Variants in RBFOX1 observed in about 807,000 individuals in gnomAD.
RBFOX1 encodes RNA binding protein fox-1 homolog 1.
RBFOX1 carries 8 observed loss-of-function variants against 57.7 expected under a neutral mutation model. That is an observed-to-expected ratio of 0.14 (90% confidence interval 0.08 to 0.25). The LOEUF (loss-of-function observed/expected upper bound fraction) is 0.25. Ranked by LOEUF, RBFOX1 falls within the 10% of genes least tolerant of loss-of-function variation. The pLI is 1.00. For missense variants in RBFOX1, 611 were observed against 548.5 expected (o/e 1.11, Z -1.14); for synonymous variants, 326 against 222.4 (o/e 1.47, Z -4.15).
intron 2 of RBFOX1, among the ~76,000 whole-genome samples, chr16:5,581,067 T>G (rs1192206559): frequency 6.6e-6 from 1 of 152,178 alleles, no homozygotes; most frequent in Admixed American, 6.5e-5. Flanking sequence ...TTGTCTGTCT[T>G]CTTAGGTAAA....
chr16:7,708,525 C>G (rs1294578581), intron 14 of RBFOX1, among the ~76,000 whole-genome samples: 1 of 152,216 alleles, frequency 6.6e-6, no homozygotes, highest in African/African-American at 2.4e-5. Context: ...GGGGGTCCCA[C>G]AGACCCTTTA....
chr16:7,489,844 C>G (rs1202316283), intron 4 of RBFOX1, among the ~76,000 whole-genome samples: 1 of 151,922 alleles, frequency 6.6e-6, no homozygotes, highest in Non-Finnish European at 1.5e-5. Context: ...TATCTTTAAT[C>G]CACACTTTCG....
chr16:7,425,007 C>T (rs1231324043), intron 4 of RBFOX1, among the ~76,000 whole-genome samples: 1 of 151,930 alleles, frequency 6.6e-6, no homozygotes, highest in Non-Finnish European at 1.5e-5. Flanking sequence ...TACAAGTTGG[C>T]ATTATTATTA....
intron 1 of RBFOX1, among the ~76,000 whole-genome samples, chr16:5,267,061 C>G (rs577249476): frequency 1.3e-5 from 2 of 151,670 alleles, no homozygotes; most frequent in East Asian, 3.9e-4. Flanking sequence ...TGCAAGGTGT[C>G]ATAGCCAAGG....
chr16:5,864,342 A>G (rs544659745), intron 3 of RBFOX1, among the ~76,000 whole-genome samples: 19 of 152,358 alleles, frequency 1.2e-4, no homozygotes, highest in Admixed American at 5.2e-4. Flanking sequence ...ACAAGTGGAT[A>G]CATTATCAAT....
chr16:7,358,585 A>G (rs781397986), intron 4 of RBFOX1, among the ~76,000 whole-genome samples: 5 of 151,884 alleles, frequency 3.3e-5, no homozygotes, highest in African/African-American at 1.2e-4. Context: ...CATGCTAGCT[A>G]ATTTTTGTAT....
Position 5,712,589 on chromosome 16 carries a change from C to A in RBFOX1, c.318+113628C>A, listed in dbSNP as rs2215247. Among the ~76,000 whole-genome samples, 71 of 152,102 alleles carry A rather than the reference C, an allele frequency of 4.7e-4. 1 individual carries two copies. The highest frequency in any genetic ancestry group is 1.4e-3 in the African/African-American group (57 of 41,450). On this transcript the variant is annotated intron_variant, in intron 3 of 19. Coordinates refer to the RBFOX1 transcript ENST00000641259. ...CATCATCTATGAGCTCACTTAATTCCCATAACAGGTAGGTGACTTATGTGT... is the reference window on the plus strand; with the variant it reads ...CATCATCTATGAGCTCACTTAATTCACATAACAGGTAGGTGACTTATGTGT...
At chr16:6,258,196 C>T (rs1445910629) in intron 1 of RBFOX1, among the ~76,000 whole-genome samples, 1 of 152,176 alleles carries the variant, frequency 6.6e-6, no homozygotes, top group Admixed American at 6.6e-5. Context: ...TTCTTCACTG[C>T]CAGCTGGCCA....
intron 2 of RBFOX1, among the ~76,000 whole-genome samples, chr16:5,543,501 C>T (rs989420949): frequency 4.0e-5 from 6 of 151,802 alleles, no homozygotes; most frequent in Non-Finnish European, 8.8e-5. Flanking sequence ...ACATAGAGAA[C>T]AATAATAATG....
At chr16:7,381,652 A>G (rs979770588) in intron 4 of RBFOX1, among the ~76,000 whole-genome samples, 1 of 151,870 alleles carries the variant, frequency 6.6e-6, no homozygotes, top group Non-Finnish European at 1.5e-5. Context: ...TTCATATTTT[A>G]TTTTATTTGG....
chr16:7,504,259 T>C (rs2072004972), intron 4 of RBFOX1, among the ~76,000 whole-genome samples: 1 of 152,156 alleles, frequency 6.6e-6, no homozygotes, highest in South Asian at 2.1e-4. Context: ...GGAAGTTCTA[T>C]TTATAGAACA....
chr16:7,044,377 T>C (rs2047191437), intron 3 of RBFOX1, among the ~76,000 whole-genome samples: 1 of 152,130 alleles, frequency 6.6e-6, no homozygotes, highest in Non-Finnish European at 1.5e-5. Flanking sequence ...CAGGAAGAAC[T>C]GATAAGAGAG....
intron 1 of RBFOX1, among the ~76,000 whole-genome samples, chr16:5,337,404 G>A (rs541230885): frequency 1.3e-5 from 2 of 152,284 alleles, no homozygotes; most frequent in Admixed American, 6.5e-5. Context: ...TTTATATTCA[G>A]ACAAGGTGAT....
intron 2 of RBFOX1, among the ~76,000 whole-genome samples, chr16:6,642,960 G>T (rs2098504539): frequency 1.3e-5 from 2 of 152,136 alleles, no homozygotes; most frequent in African/African-American, 4.8e-5. Context: ...ATGATTTCAG[G>T]TGAAATAGCT....
chr16:6,723,989 C>A (rs1246205657), intron 3 of RBFOX1: 2 of 152,054 alleles, frequency 1.3e-5, no homozygotes, highest in Non-Finnish European at 2.9e-5. Flanking sequence ...TTTCACTTAA[C>A]CGTTTGGGAG....
chr16:5,549,325 C>G (rs542963602), intron 2 of RBFOX1, among the ~76,000 whole-genome samples: 1 of 152,218 alleles, frequency 6.6e-6, no homozygotes, highest in East Asian at 1.9e-4. Context: ...TTTGCTTTCT[C>G]TCCTGGGTCC....
intron 4 of RBFOX1, among the ~76,000 whole-genome samples, chr16:7,123,051 G>T (rs1000987730): frequency 6.6e-6 from 1 of 152,184 alleles, no homozygotes; most frequent in East Asian, 1.9e-4. Context: ...AGGGGTTGGG[G>T]GGAGGGTAGT....
At chr16:6,005,317 G>C (rs189218131) in intron 4 of RBFOX1, among the ~76,000 whole-genome samples, 1 of 152,178 alleles carries the variant, frequency 6.6e-6, no homozygotes. Flanking sequence ...TGTTTCATAA[G>C]CCCATCTGGA....
chr16:6,536,618 G>T (rs1441998678), intron 2 of RBFOX1, among the ~76,000 whole-genome samples: 1 of 151,440 alleles, frequency 6.6e-6, no homozygotes, highest in Non-Finnish European at 1.5e-5. Context: ...AATTATAGTT[G>T]GCAGCAAACA....
Sources: gnomAD v4.1 joint callset for allele counts (sites outside exome capture counted in the v4.1 genomes callset) on GRCh38, gnomAD v4.1.1 for gene constraint, MANE v1.5 for transcripts, NCBI Gene and HGNC (gene_info 2026-07-23, HGNC 2026-07-21) for gene names.